Variants in MAML3 observed in about 807,000 individuals in gnomAD.
MAML3 encodes the protein mastermind like transcriptional coactivator 3.
In MAML3, 27 loss-of-function variants were observed where a neutral mutation model predicts 101.9. That is an observed-to-expected ratio of 0.27 (90% CI 0.20 to 0.37). MAML3 has a LOEUF of 0.37. Among genes scored for constraint, MAML3 ranks in the 10% least tolerant of loss-of-function variants. MAML3 has a pLI of 1.00. For synonymous variants in MAML3, 501 were observed against 555.9 expected, an observed-to-expected ratio of 0.90 and a Z score of 1.39; for missense variants, 1,316 against 1,444.9, an observed-to-expected ratio of 0.91 and a Z score of 1.45.
At chr4:139,943,897 A>ATTTTTTTTTT (rs1733655333) in intron 1 of MAML3, among the ~76,000 whole-genome samples, 2 of 65,448 alleles carry the variant, frequency 3.1e-5, no homozygotes, top group African/African-American at 1.3e-4. Context: ...TTGAGACGGA[A>ATTTTTTTTTT]TCTTGTTCTG....
Position 139,934,217 on chromosome 4 carries a change from GTATT to G in MAML3, c.469-43254_469-43251del, listed in dbSNP as rs1430273995. Among the ~76,000 whole-genome samples, 19 of 151,974 alleles carry G rather than the reference GTATT, an allele frequency of 1.3e-4. 1 individual carries two copies. The highest frequency in any genetic ancestry group is 4.3e-4 in the African/African-American group (18 of 41,458). On this transcript the variant is annotated intron_variant, in intron 1 of 4. Coordinates refer to ENST00000509479, the MANE Select transcript of MAML3 (RefSeq NM_018717.5). ...ATGTGTGTGTCTGTGTGTGATGTAT[GTATT>G]TATGAATATGTGAATGTATAACTAT...
At chr4:139,722,786 A>G (rs1448499753) in intron 4 of MAML3, among the ~76,000 whole-genome samples, 5 of 152,386 alleles carry the variant, frequency 3.3e-5, no homozygotes, top group African/African-American at 1.2e-4. Flanking sequence ...ATACCTAACA[A>G]AACTTCTCTC....
At chr4:139,754,903 T>A (rs549974812) in intron 2 of MAML3, among the ~76,000 whole-genome samples, 1 of 152,362 alleles carries the variant, frequency 6.6e-6, no homozygotes, top group Admixed American at 6.5e-5. Flanking sequence ...CAGTTTCTCT[T>A]CCTCTGCCCA....
chr4:139,936,076 T>C (rs1033523110), intron 1 of MAML3, among the ~76,000 whole-genome samples: 2 of 152,192 alleles, frequency 1.3e-5, no homozygotes, highest in African/African-American at 4.8e-5. Flanking sequence ...CATTCTACTC[T>C]ATCGGAGTTA....
rs547774602 is a variant in MAML3, at chr4:139,857,434, C to T, written c.2079+31923G>A. On this transcript the variant is annotated intron_variant, in intron 2 of 4. Transcript: ENST00000509479. ...TGATCTAGTGACTTTGGATTTTCTT[C>T]ATTGGTGTATAATAAACCAACATAT... is the stretch of plus-strand genomic sequence containing the variant. Among the ~76,000 whole-genome samples, 547 of 152,112 alleles carry T rather than the reference C, an allele frequency of 3.6e-3. 2 individuals are homozygous for T. The highest frequency in any genetic ancestry group is 0.012 in the African/African-American group (513 of 41,500).
intron 2 of MAML3, among the ~76,000 whole-genome samples, chr4:139,764,461 A>C (rs1253368648): frequency 6.6e-6 from 1 of 152,222 alleles, no homozygotes; most frequent in African/African-American, 2.4e-5. Context: ...ATTAGGTCCA[A>C]GAGCCACTGA....
chr4:139,805,622 A>C (rs958178421), intron 2 of MAML3, among the ~76,000 whole-genome samples: 2 of 152,242 alleles, frequency 1.3e-5, no homozygotes, highest in Admixed American at 6.5e-5. Flanking sequence ...TATAGTTCTT[A>C]TTCCTGAATG....
intron 2 of MAML3, among the ~76,000 whole-genome samples, chr4:139,872,970 A>G (rs956771742): frequency 1.3e-5 from 2 of 152,020 alleles, no homozygotes; most frequent in Admixed American, 1.3e-4. Context: ...AATCCCAGCT[A>G]CTCAGGAGAC....
intron 1 of MAML3, among the ~76,000 whole-genome samples, chr4:139,942,460 T>C (rs1286751896): frequency 1.3e-5 from 2 of 152,158 alleles, no homozygotes; most frequent in Non-Finnish European, 2.9e-5. Flanking sequence ...GTGATTAATG[T>C]GGACATAACA....
chr4:139,819,001 G>A (rs1730932762), intron 2 of MAML3, among the ~76,000 whole-genome samples: 3 of 152,140 alleles, frequency 2.0e-5, no homozygotes, highest in Non-Finnish European at 4.4e-5. Flanking sequence ...GAACTCATTT[G>A]GCTGGCATCA....
intron 1 of MAML3, among the ~76,000 whole-genome samples, chr4:139,992,587 GC>G (rs1734701469): frequency 1.3e-5 from 2 of 152,006 alleles, no homozygotes; most frequent in Admixed American, 1.3e-4. Flanking sequence ...GTGCAGTGGT[GC>G]GATCTCAGCT....
Position 139,837,058 on chromosome 4 carries a change from G to A in MAML3, c.2079+52299C>T, listed in dbSNP as rs551557360. ...AATCACTTGAACCTGGGAGGTGGATGTTGCTGTGAGCTGAGATCATGCCAT... is the reference window on the plus strand; with the variant it reads ...AATCACTTGAACCTGGGAGGTGGATATTGCTGTGAGCTGAGATCATGCCAT... On this transcript the variant is annotated intron_variant, in intron 2 of 4. Transcript: ENST00000509479. 2.0e-5 allele frequency among the ~76,000 whole-genome samples: 3 copies of A among 147,742 alleles called. No homozygotes were observed. In the South Asian group the frequency reaches 6.4e-4, roughly 31 times the overall value.
chr4:139,858,796 G>A (rs1465620006), intron 2 of MAML3, among the ~76,000 whole-genome samples: 1 of 152,098 alleles, frequency 6.6e-6, no homozygotes, highest in Non-Finnish European at 1.5e-5. Context: ...CTAACCCTGC[G>A]AACACATCCA....
intron 2 of MAML3, among the ~76,000 whole-genome samples, chr4:139,876,683 G>T (rs1164594169): frequency 6.6e-6 from 1 of 152,222 alleles, no homozygotes; most frequent in Admixed American, 6.5e-5. Context: ...TTTAGGGAAT[G>T]ATCATGTGGA....
intron 1 of MAML3, among the ~76,000 whole-genome samples, chr4:140,075,414 A>G (rs1396352989): frequency 6.6e-6 from 1 of 152,252 alleles, no homozygotes; most frequent in Non-Finnish European, 1.5e-5. Flanking sequence ...ATCAAAATCT[A>G]GATGTTTAGC....
At chr4:139,873,007 A>G (rs1436927394) in intron 2 of MAML3, among the ~76,000 whole-genome samples, 1 of 152,142 alleles carries the variant, frequency 6.6e-6, no homozygotes, top group Non-Finnish European at 1.5e-5. Flanking sequence ...GCTTGAACCC[A>G]GAAGGTAGAC....
intron 1 of MAML3, among the ~76,000 whole-genome samples, chr4:139,975,363 G>A (rs1349694902): frequency 1.3e-5 from 2 of 152,026 alleles, no homozygotes; most frequent in African/African-American, 4.8e-5. Flanking sequence ...TCACTTTTCA[G>A]TGAAGCCTTC....
chr4:140,058,660 T>C (rs929453138), intron 1 of MAML3, among the ~76,000 whole-genome samples: 2 of 152,142 alleles, frequency 1.3e-5, no homozygotes, highest in African/African-American at 4.8e-5. Flanking sequence ...TGTTTTAACA[T>C]AGTGTCTAAC....
chr4:139,731,484 G>C (rs1420353983), intron 2 of MAML3: 1 of 154,672 alleles, frequency 6.5e-6, no homozygotes, highest in Non-Finnish European at 1.3e-5. Flanking sequence ...CAGACATGGT[G>C]GTGGGCACCT....
Sources: gnomAD v4.1 joint callset for allele counts (sites outside exome capture counted in the v4.1 genomes callset) on GRCh38, gnomAD v4.1.1 for gene constraint, MANE v1.5 for transcripts, NCBI Gene and HGNC (gene_info 2026-07-23, HGNC 2026-07-21) for gene names.